The following RNF220 variants were observed in gnomAD, a reference collection of about 807,000 sequenced individuals.
RNF220 encodes the protein ring finger protein 220, also known as E3 ubiquitin-protein ligase RNF220.
RNF220 carries 7 observed loss-of-function variants against 67.1 expected under a neutral mutation model. That is an observed-to-expected ratio of 0.10 (90% confidence interval 0.06 to 0.20). The LOEUF (loss-of-function observed/expected upper bound fraction) is 0.20, where lower values mean the gene tolerates loss of function less well. RNF220 is among the 10% of genes least tolerant of loss of function. The pLI, the probability that RNF220 is intolerant of heterozygous loss-of-function variation, is 1.00. For synonymous variants in RNF220, 270 were observed against 283.2 expected, an observed-to-expected ratio of 0.95 and a Z score of 0.47; for missense variants, 565 against 740.3, an observed-to-expected ratio of 0.76 and a Z score of 2.75.
chr1:44,587,596 C>T (rs1665803644), intron 2 of RNF220, among the ~76,000 whole-genome samples: 1 of 152,192 alleles, frequency 6.6e-6, no homozygotes, highest in Non-Finnish European at 1.5e-5. Context: ...AATGGTCTCT[C>T]TTGCCCCGCA....
intron 3 of RNF220, among the ~76,000 whole-genome samples, chr1:44,617,565 G>A (rs1023343356): frequency 1.3e-5 from 2 of 152,254 alleles, no homozygotes; most frequent in Non-Finnish European, 1.5e-5. Context: ...GGGGAGCGCG[G>A]GGAGGGCCCC....
At chr1:44,504,481 T>A (rs1214055350) in intron 2 of RNF220, among the ~76,000 whole-genome samples, 1 of 152,088 alleles carries the variant, frequency 6.6e-6, no homozygotes, top group African/African-American at 2.4e-5. Context: ...CTGGCAGAAG[T>A]TCGAGGGGCT....
chr1:44,567,881 G>T (rs1043672109), intron 2 of RNF220, among the ~76,000 whole-genome samples: 1 of 152,046 alleles, frequency 6.6e-6, no homozygotes, highest in Non-Finnish European at 1.5e-5. Flanking sequence ...TGCCTGGGGA[G>T]CCCCATTTCA....
chr1:44,604,085 TGAGA>T (rs796691801), intron 2 of RNF220, among the ~76,000 whole-genome samples: 24 of 152,258 alleles, frequency 1.6e-4, no homozygotes, highest in African/African-American at 5.1e-4. Flanking sequence ...AAGGAAGGCA[TGAGA>T]GAGAGTGAAG....
At chr1:44,551,306 G>A (rs893237975) in intron 2 of RNF220, among the ~76,000 whole-genome samples, 1 of 151,794 alleles carries the variant, frequency 6.6e-6, no homozygotes, top group South Asian at 2.1e-4. Flanking sequence ...GTAGAGACGT[G>A]GTTTCACCAT....
At position 44,644,689 on chromosome 1, in the gene RNF220, T is replaced by C. The variant is rs763952963; in HGVS notation, c.1127-9T>C. 3 of 1,613,184 alleles carry C rather than the reference T, an allele frequency of 1.9e-6. No homozygotes were observed. Among genetic ancestry groups the C allele is most frequent in the Admixed American group, 3.3e-5 (2 of 60,014 alleles). On this transcript the variant is annotated splice_polypyrimidine_tract_variant and intron_variant, in intron 8 of 14. Coordinates refer to ENST00000361799, the MANE Select transcript of RNF220 (RefSeq NM_018150.4). The stretch of plus-strand genomic sequence containing the variant: ...TCCCCAGGCCCTCCTCACACCCTGC[T>C]TCCCACAGGCTCTGGCTTCATCATG...
chr1:44,477,039 A>C (rs1572623808), intron 2 of RNF220, among the ~76,000 whole-genome samples: 1 of 152,344 alleles, frequency 6.6e-6, no homozygotes, highest in East Asian at 1.9e-4. Flanking sequence ...CTCATTAGGA[A>C]GGGAACAAAA....
intron 4 of RNF220, among the ~76,000 whole-genome samples, chr1:44,623,599 C>T (rs1439313049): frequency 6.6e-6 from 1 of 152,110 alleles, no homozygotes; most frequent in African/African-American, 2.4e-5. Flanking sequence ...AACAGGAGGC[C>T]ACCCCTAGCC....
rs181688665 is a variant in RNF220 at position 44,580,313 on chromosome 1, C to T, written c.626-33852C>T. ...CAATAGAAAATGGGCCTAATGTTCT[C>T]AGCAGAATAGAACTGGAGTGCCTAT... On this transcript the variant is annotated intron_variant, in intron 2 of 14. Coordinates refer to ENST00000361799, the MANE Select transcript of RNF220 (RefSeq NM_018150.4). Among the ~76,000 whole-genome samples the T allele has an allele frequency of 5.7e-3, 870 of 152,162 alleles. 7 individuals are homozygous for T. The highest frequency in any genetic ancestry group is 0.02 in the African/African-American group (828 of 41,508).
At chr1:44,476,313 G>A (rs1463814414) in intron 2 of RNF220, among the ~76,000 whole-genome samples, 1 of 152,036 alleles carries the variant, frequency 6.6e-6, no homozygotes, top group Non-Finnish European at 1.5e-5. Context: ...ATTTTATTGG[G>A]CTTCATAACT....
intron 2 of RNF220, among the ~76,000 whole-genome samples, chr1:44,477,196 T>G (rs1160217488): frequency 6.6e-6 from 1 of 152,244 alleles, no homozygotes; most frequent in Non-Finnish European, 1.5e-5. Context: ...AAATATTTAC[T>G]AGCAGTCCAG....
chr1:44,557,970 T>C (rs1348801127), intron 2 of RNF220, among the ~76,000 whole-genome samples: 1 of 152,208 alleles, frequency 6.6e-6, no homozygotes, highest in Non-Finnish European at 1.5e-5. Flanking sequence ...GGCTGAGCCC[T>C]GCGGGTAGGA....
At chr1:44,411,553 A>G (rs1647960303) in intron 1 of RNF220, among the ~76,000 whole-genome samples, 1 of 152,096 alleles carries the variant, frequency 6.6e-6, no homozygotes, top group Non-Finnish European at 1.5e-5. Context: ...TATGTGGGGA[A>G]TCGTATAGGT....
In RNF220 at chr1:44,636,086, C is replaced by T. The variant is rs1359268624; in HGVS notation, c.1050C>T (p.Asn350=). Residue 350 remains asparagine, a synonymous_variant, in exon 8 of 15, where the codon AAC becomes AAT. Transcript: ENST00000361799. ...CTGTGGACATCGAGCATGAGAACAA[C>T]AACCGCTTTGAGGAGTATGAGTGGT... The part of the protein sequence containing the change: ...DDAVDIEHEN[N]NRFEEYEWCG... The T allele has an allele frequency of 1.9e-6, 3 of 1,614,248 alleles. No homozygotes were observed.
chr1:44,536,154 G>A (rs1661203824), intron 2 of RNF220, among the ~76,000 whole-genome samples: 1 of 152,132 alleles, frequency 6.6e-6, no homozygotes. Context: ...GGCCCTACAG[G>A]CTGTCTGGGA....
intron 2 of RNF220, among the ~76,000 whole-genome samples, chr1:44,442,639 T>C (rs1230166279): frequency 6.6e-6 from 1 of 151,394 alleles, no homozygotes; most frequent in Non-Finnish European, 1.5e-5. Flanking sequence ...CTCAGCCTCC[T>C]GAGTAGCTGG....
rs192346907 is a variant in RNF220, at chr1:44,462,853, C to T, written c.625+50131C>T. 1.1e-4 allele frequency among the ~76,000 whole-genome samples: 17 copies of T among 150,014 alleles called. No individual in the cohort carries two copies. In the East Asian group the frequency reaches 3.4e-3, roughly 30 times the overall value. On this transcript the variant is annotated intron_variant, in intron 2 of 14. Coordinates refer to ENST00000361799, the MANE Select transcript of RNF220 (RefSeq NM_018150.4). The stretch of plus-strand genomic sequence containing the variant: ...ACCATCCTGGCTAACATGGTGAGAC[C>T]CTGTCTCTACTAAAAATACAAAAAT...
At chr1:44,641,045 A>AT (rs200916075) in intron 8 of RNF220, among the ~76,000 whole-genome samples, 3,256 of 150,290 alleles carry the variant, frequency 0.022, 88 homozygotes, top group Admixed American at 0.072. Context: ...ATTAACACTG[A>AT]TTTTTTTTTT....
At chr1:44,440,246 A>G (rs1481340235) in intron 2 of RNF220, among the ~76,000 whole-genome samples, 1 of 152,236 alleles carries the variant, frequency 6.6e-6, no homozygotes, top group Non-Finnish European at 1.5e-5. Flanking sequence ...ACTATATTGG[A>G]CAGAGCAGGT....
Sources: allele counts gnomAD v4.1 joint callset (sites outside exome capture counted in the v4.1 genomes callset), GRCh38; gene constraint gnomAD v4.1.1; transcripts MANE v1.5; gene names NCBI Gene and HGNC (gene_info 2026-07-23, HGNC 2026-07-21).